MAJIN: variants seen among roughly 807,000 people sequenced by gnomAD.
MAJIN encodes membrane anchored junction protein.
Under a neutral mutation model 30.2 loss-of-function variants are expected in MAJIN, and 27 were observed. The observed-to-expected ratio is 0.89, with a 90% CI of 0.66 to 1.23. MAJIN has a LOEUF of 1.23. MAJIN is among the 50% of genes most tolerant of loss of function. The probability of loss-of-function intolerance (pLI) is 0.00; values close to 1 mark genes in which losing one functional copy is unlikely to be tolerated. For synonymous variants in MAJIN, 78 were observed against 91.6 expected, an observed-to-expected ratio of 0.85 and a Z score of 0.85; for missense variants, 253 against 260.3, an observed-to-expected ratio of 0.97 and a Z score of 0.19.
intron 1 of MAJIN, among the ~76,000 whole-genome samples, chr11:64,971,351 C>T (rs759138087): frequency 4.0e-5 from 6 of 150,350 alleles, no homozygotes; most frequent in Non-Finnish European, 8.9e-5. Flanking sequence ...CGCTTGAACC[C>T]AGGAGGCGGA....
chr11:64,951,346 G>C (rs914495421), intron 4 of MAJIN, among the ~76,000 whole-genome samples: 16 of 152,054 alleles, frequency 1.1e-4, no homozygotes, highest in African/African-American at 3.9e-4. Flanking sequence ...ATGCTTATTA[G>C]TCTATACTAA....
At chr11:64,950,255 G>C in intron 5 of MAJIN, 100 bp downstream of exon 5, 1 of 1,005,192 alleles carries the variant, frequency 9.9e-7, no homozygotes, top group East Asian at 2.7e-5. Flanking sequence ...GCTTGAACCT[G>C]GGAGGCTGAG....
chr11:64,940,681 T>C (rs368999643), intron 8 of MAJIN, 35 bp from the exon 9 acceptor site: 101 of 1,581,032 alleles, frequency 6.4e-5, no homozygotes, highest in Non-Finnish European at 8.3e-5. Flanking sequence ...GCCTTAAACT[T>C]TCCTCCTACA....
intron 8 of MAJIN, among the ~76,000 whole-genome samples, chr11:64,943,491 C>A (rs192345642): frequency 6.6e-6 from 1 of 152,330 alleles, no homozygotes; most frequent in African/African-American, 2.4e-5. Context: ...GCAAAGGGGG[C>A]AGAACATATT....
rs533015266 is a variant in MAJIN at position 64,950,578 on chromosome 11, T to C, written c.148-148A>G. 34 of 599,710 alleles carry C rather than the reference T, an allele frequency of 5.7e-5. No individual in the cohort carries two copies. In the East Asian group the frequency reaches 1.1e-3, roughly 19 times the overall value. 37.1% of individuals were successfully genotyped at this position (599,710 alleles called of 1,614,324 possible). On this transcript the variant is annotated intron_variant, in intron 4 of 10. Coordinates refer to ENST00000301896, the MANE Select transcript of MAJIN (RefSeq NM_001037225.3). ...ACACGTGTTCTGATTCTCCATTTCTTTTTCTTTCTTTCTTTCTTTTTTTGA... is the reference window on the plus strand; with the variant it reads ...ACACGTGTTCTGATTCTCCATTTCTCTTTCTTTCTTTCTTTCTTTTTTTGA...
At chr11:64,938,672 T>C in intron 10 of MAJIN, 99 bp from the exon 11 acceptor site, 1 of 1,328,164 alleles carries the variant, frequency 7.5e-7, no homozygotes, top group Admixed American at 2.0e-5. Flanking sequence ...ATTTTTGCTC[T>C]GGGGAACCAT....
rs1018096843 is a variant in MAJIN at position 64,972,098 on chromosome 11, C to A, written c.-286G>T. On this transcript the variant is annotated 5_prime_UTR_variant, in exon 1 of 11. Coordinates refer to ENST00000301896, the MANE Select transcript of MAJIN (RefSeq NM_001037225.3). Reference sequence around the variant, plus strand: ...GCGCACCCACCAGGCCTTCTGCGCACGCGCAAGTGCGCTTCCCACCGCCCC... The same window carrying A: ...GCGCACCCACCAGGCCTTCTGCGCAAGCGCAAGTGCGCTTCCCACCGCCCC... 2 of 152,210 alleles carry A rather than the reference C, an allele frequency of 1.3e-5. No homozygotes were observed. The highest frequency in any genetic ancestry group is 4.8e-5 in the African/African-American group (2 of 41,462). 9.4% of individuals were successfully genotyped at this position (152,210 alleles called of 1,614,324 possible). A position where few individuals can be genotyped will look rare whatever the true frequency, so the allele number is the denominator to read the frequency against.
chr11:64,970,912 C>T (rs1030523931), intron 1 of MAJIN, among the ~76,000 whole-genome samples: 1 of 152,104 alleles, frequency 6.6e-6, no homozygotes, highest in African/African-American at 2.4e-5. Flanking sequence ...TGGAAAAAAT[C>T]TTGTTTTCAT....
chr11:64,944,011 C>T (rs1207662803), intron 8 of MAJIN, among the ~76,000 whole-genome samples: 1 of 152,190 alleles, frequency 6.6e-6, no homozygotes, highest in Non-Finnish European at 1.5e-5. Context: ...CACACAGAGG[C>T]AGAGGTATAA....
At chr11:64,960,919 A>G (rs1343106696) in intron 1 of MAJIN, among the ~76,000 whole-genome samples, 1 of 152,184 alleles carries the variant, frequency 6.6e-6, no homozygotes, top group South Asian at 2.1e-4. Context: ...GACTATTTAG[A>G]CTAGAATTGC....
intron 1 of MAJIN, among the ~76,000 whole-genome samples, chr11:64,965,722 C>T (rs1945795793): frequency 6.6e-6 from 1 of 151,942 alleles, no homozygotes; most frequent in Non-Finnish European, 1.5e-5. Flanking sequence ...TTTGGGAGGC[C>T]GAGGCGGGCT....
At chr11:64,963,741 G>A (rs1034386955) in intron 1 of MAJIN, among the ~76,000 whole-genome samples, 2 of 152,110 alleles carry the variant, frequency 1.3e-5, no homozygotes, top group Non-Finnish European at 2.9e-5. Context: ...GGGAGACTGA[G>A]GCAAGAGAAT....
intron 8 of MAJIN, among the ~76,000 whole-genome samples, chr11:64,944,339 C>A (rs1204036528): frequency 1.3e-5 from 2 of 152,196 alleles, no homozygotes; most frequent in Non-Finnish European, 1.5e-5. Flanking sequence ...CCCTTTGTAT[C>A]CTGTGCTTCC....
At chr11:64,959,239 G>T in intron 3 of MAJIN, 66 bp downstream of exon 3, 2 of 1,284,444 alleles carry the variant, frequency 1.6e-6, no homozygotes, top group South Asian at 1.2e-5. Flanking sequence ...AAGAAGAGGT[G>T]ACCTGTGGGA....
intron 8 of MAJIN, among the ~76,000 whole-genome samples, chr11:64,941,830 G>A (rs1466861041): frequency 6.6e-6 from 1 of 152,140 alleles, no homozygotes; most frequent in Non-Finnish European, 1.5e-5. Flanking sequence ...CATGACGGGG[G>A]TGAGGAGATG....
intron 1 of MAJIN, among the ~76,000 whole-genome samples, chr11:64,970,359 G>GTTTTT (rs1945879112): frequency 8.2e-6 from 1 of 122,326 alleles, no homozygotes; most frequent in African/African-American, 3.2e-5. Context: ...GCAAGACTCC[G>GTTTTT]TCTTTTTTTT....
intron 1 of MAJIN, among the ~76,000 whole-genome samples, chr11:64,961,677 C>T (rs1407787182): frequency 2.7e-5 from 4 of 149,044 alleles, no homozygotes; most frequent in South Asian, 4.3e-4. Flanking sequence ...GGGGTTTCAC[C>T]GTGTTAGCCA....
intron 8 of MAJIN, among the ~76,000 whole-genome samples, chr11:64,941,696 C>T (rs748684050): frequency 1.2e-4 from 18 of 152,076 alleles, no homozygotes; most frequent in Non-Finnish European, 2.2e-4. Context: ...GACCACCCAA[C>T]GAATCCATAT....
chr11:64,950,490 A>G, intron 4 of MAJIN, 60 bp from the exon 5 acceptor site: 1 of 1,453,236 alleles, frequency 6.9e-7, no homozygotes, highest in Non-Finnish European at 9.6e-7. Flanking sequence ...CTTTGTTTAT[A>G]TTTGTCACTG....
Sources: allele counts gnomAD v4.1 joint callset (sites outside exome capture counted in the v4.1 genomes callset), GRCh38; gene constraint gnomAD v4.1.1; transcripts MANE v1.5; gene names NCBI Gene and HGNC (gene_info 2026-07-23, HGNC 2026-07-21).